The following NAALADL2 variants were observed in gnomAD, a reference collection of about 807,000 sequenced individuals.
NAALADL2 encodes the protein N-acetylated alpha-linked acidic dipeptidase like 2.
NAALADL2 carries 76 observed loss-of-function variants against 87.2 expected under a neutral mutation model. The ratio of observed to expected loss-of-function variants is 0.87; its 90% confidence interval spans 0.72 to 1.05. NAALADL2 has a LOEUF of 1.05. NAALADL2 is among the 50% of genes least tolerant of loss of function. The pLI, the probability that NAALADL2 is intolerant of heterozygous loss-of-function variation, is 0.00. For synonymous variants in NAALADL2, 354 were observed against 331.0 expected (o/e 1.07, Z -0.75); for missense variants, 1,089 against 945.8 (o/e 1.15, Z -1.99).
rs115855941 is a variant in NAALADL2 at position 174,773,184 on chromosome 3, G to A, written c.-9+35438G>A. Among the ~76,000 whole-genome samples, 450 of 152,238 alleles carry A rather than the reference G, an allele frequency of 3.0e-3. 2 individuals are homozygous for A. Among genetic ancestry groups the A allele is most frequent in the African/African-American group, 0.01 (430 of 41,560 alleles). On this transcript the variant is annotated intron_variant, in intron 3 of 3. Coordinates refer to the NAALADL2 transcript ENST00000434257. ...CTTGAGAAGTCTATTCAGTAATAGA[G>A]GTCCTTGGAGAGACCAAAGTGGCTC...
intron 3 of NAALADL2, among the ~76,000 whole-genome samples, chr3:174,808,421 C>T (rs1719751559): frequency 6.6e-6 from 1 of 152,062 alleles, no homozygotes; most frequent in South Asian, 2.1e-4. Flanking sequence ...TACATTTTCT[C>T]ATGAACTTTG....
At chr3:174,472,524 A>G (rs1281461879) in intron 1 of NAALADL2, among the ~76,000 whole-genome samples, 3 of 152,192 alleles carry the variant, frequency 2.0e-5, no homozygotes, top group African/African-American at 4.8e-5. Context: ...AATTCCATTT[A>G]CAACATTTCC....
intron 2 of NAALADL2, among the ~76,000 whole-genome samples, chr3:175,217,191 A>T (rs915264200): frequency 6.6e-6 from 1 of 152,180 alleles, no homozygotes; most frequent in Non-Finnish European, 1.5e-5. Context: ...TGCAATGAGT[A>T]TACCCCAGCT....
chr3:174,863,031 A>G (rs1464002485), intron 1 of NAALADL2, among the ~76,000 whole-genome samples: 2 of 152,076 alleles, frequency 1.3e-5, no homozygotes, highest in Non-Finnish European at 2.9e-5. Flanking sequence ...ACTGAAGGAG[A>G]ATTTTGCCAT....
chr3:174,565,718 A>G (rs1331887094), intron 2 of NAALADL2, among the ~76,000 whole-genome samples: 2 of 151,920 alleles, frequency 1.3e-5, no homozygotes, highest in Admixed American at 1.3e-4. Context: ...ATTTGTTAAG[A>G]TTTTGTTTAG....
At chr3:174,921,839 G>A (rs1454238270) in intron 1 of NAALADL2, among the ~76,000 whole-genome samples, 38 of 132,514 alleles carry the variant, frequency 2.9e-4, no homozygotes, top group Middle Eastern at 8.0e-3. Flanking sequence ...AAAAAGAAAA[G>A]AAAAAAATCT....
intron 10 of NAALADL2, among the ~76,000 whole-genome samples, chr3:175,591,782 GTGTATATATA>G (rs1440928350): frequency 9.7e-5 from 2 of 20,522 alleles, no homozygotes; most frequent in African/African-American, 1.3e-4. Context: ...GTGTGTGTGT[GTGTATATATA>G]TATATATATA....
At chr3:175,029,268 C>T (rs551585778) in intron 1 of NAALADL2, among the ~76,000 whole-genome samples, 11 of 152,150 alleles carry the variant, frequency 7.2e-5, no homozygotes, top group African/African-American at 2.6e-4. Context: ...TCACGTCTCT[C>T]TTGTGCCCAA....
At position 174,732,421 on chromosome 3, in the gene NAALADL2, C is replaced by T. The variant is rs115968226; in HGVS notation, c.-114-5220C>T. 3.0e-3 allele frequency among the ~76,000 whole-genome samples: 452 copies of T among 151,860 alleles called. 3 individuals carry two copies. The highest frequency in any genetic ancestry group is 0.01 in the African/African-American group (418 of 41,426). ...ACATAGTACATTTTTGAAGGGATGG[C>T]GAGGATATCCATTATATGAAAAGGA... On this transcript the variant is annotated intron_variant, in intron 2 of 3. Coordinates refer to the NAALADL2 transcript ENST00000434257.
In NAALADL2 at chr3:175,743,280, C is replaced by A. The variant is rs543227528; in HGVS notation, c.1990+5881C>A. On this transcript the variant is annotated intron_variant, in intron 12 of 13. Coordinates refer to ENST00000454872, the MANE Select transcript of NAALADL2 (RefSeq NM_207015.3). ...CCTCCCAAAGTGCTGGGATTACAGGCATGAGCCACCATGCCCGGCCCAGAG... is the reference window on the plus strand; with the variant it reads ...CCTCCCAAAGTGCTGGGATTACAGGAATGAGCCACCATGCCCGGCCCAGAG... Among the ~76,000 whole-genome samples, 12 of 152,320 alleles carry A rather than the reference C, an allele frequency of 7.9e-5. No individual in the cohort carries two copies. The South Asian group carries it at 2.5e-3, about 32-fold the overall frequency.
intron 5 of NAALADL2, among the ~76,000 whole-genome samples, chr3:175,416,799 CTG>C (rs1450011708): frequency 1.3e-5 from 2 of 151,836 alleles, no homozygotes; most frequent in African/African-American, 4.8e-5. Context: ...AAAGTATTAA[CTG>C]AGATGATTGC....
At chr3:174,846,077 G>T (rs575069764) in intron 3 of NAALADL2, among the ~76,000 whole-genome samples, 36 of 152,238 alleles carry the variant, frequency 2.4e-4, no homozygotes, top group African/African-American at 8.4e-4. Context: ...TGAGGACTGG[G>T]GGACCCTCCT....
At chr3:175,642,261 T>G (rs1729391259) in intron 11 of NAALADL2, among the ~76,000 whole-genome samples, 1 of 152,206 alleles carries the variant, frequency 6.6e-6, no homozygotes, top group South Asian at 2.1e-4. Context: ...AGGGTATACA[T>G]GCTTTTGTGA....
At chr3:174,920,656 A>T (rs901172640) in intron 1 of NAALADL2, among the ~76,000 whole-genome samples, 4 of 152,166 alleles carry the variant, frequency 2.6e-5, no homozygotes, top group African/African-American at 9.7e-5. Flanking sequence ...ATTCGACGGA[A>T]TGGCACTTTT....
chr3:175,260,817 A>T (rs1205231193), intron 4 of NAALADL2, among the ~76,000 whole-genome samples: 2 of 152,190 alleles, frequency 1.3e-5, no homozygotes, highest in Non-Finnish European at 2.9e-5. Context: ...ATATTAAATT[A>T]TTAGATTATC....
At chr3:175,492,647 T>C (rs925432915) in intron 9 of NAALADL2, among the ~76,000 whole-genome samples, 2 of 152,196 alleles carry the variant, frequency 1.3e-5, no homozygotes, top group East Asian at 1.9e-4. Context: ...TAACCCATTA[T>C]GTAATTCACA....
rs1731539540 is a variant in NAALADL2 at position 175,656,871 on chromosome 3, T to C, written c.1896+29485T>C. Among the ~76,000 whole-genome samples the C allele has an allele frequency of 2.0e-5, 3 of 152,160 alleles. No homozygotes were observed. The South Asian group carries it at 6.2e-4, about 32-fold the overall frequency. Reference sequence around the variant, plus strand: ...GCCTGTAACCTGGCTTTGTGTCAGATAACTAGAATTAATGCCTTGAATGAA... The same window carrying C: ...GCCTGTAACCTGGCTTTGTGTCAGACAACTAGAATTAATGCCTTGAATGAA... On this transcript the variant is annotated intron_variant, in intron 11 of 13. Transcript: ENST00000454872.
In NAALADL2 at chr3:175,727,881, G is replaced by A. The variant is rs78741907; in HGVS notation, c.1897-9425G>A. 2.5e-3 allele frequency among the ~76,000 whole-genome samples: 382 copies of A among 152,238 alleles called. 9 individuals are homozygous for A. The East Asian group carries it at 0.053, about 21-fold the overall frequency. On this transcript the variant is annotated intron_variant, in intron 11 of 13. Coordinates refer to ENST00000454872, the MANE Select transcript of NAALADL2 (RefSeq NM_207015.3). ...AGGAGCATTATTCAGGTGTTGGGAT[G>A]TTTCTGCTTATACATGAAACTCTCT... is the stretch of plus-strand genomic sequence containing the variant.
At chr3:175,392,401 T>C (rs1432362688) in intron 5 of NAALADL2, among the ~76,000 whole-genome samples, 2 of 152,168 alleles carry the variant, frequency 1.3e-5, no homozygotes, top group African/African-American at 4.8e-5. Flanking sequence ...TCTGTCTAAA[T>C]TCAGAAGACA....
Sources: allele counts gnomAD v4.1 joint callset (sites outside exome capture counted in the v4.1 genomes callset), GRCh38; gene constraint gnomAD v4.1.1; transcripts MANE v1.5; gene names NCBI Gene and HGNC (gene_info 2026-07-23, HGNC 2026-07-21).